The following CAPZA1 variants were observed in gnomAD, a reference collection of about 807,000 sequenced individuals.
The protein encoded by CAPZA1 is F-actin-capping protein subunit alpha-1.
Under a neutral mutation model 40.8 loss-of-function variants are expected in CAPZA1, and 10 were observed. The ratio of observed to expected loss-of-function variants is 0.25; its 90% CI spans 0.15 to 0.42. The LOEUF (loss-of-function observed/expected upper bound fraction) is 0.42. Among genes scored for constraint, CAPZA1 ranks in the 10% least tolerant of loss-of-function variants. The pLI, the probability that CAPZA1 is intolerant of heterozygous loss-of-function variation, is 1.00. For synonymous variants in CAPZA1, 98 were observed against 115.0 expected (o/e 0.85, Z 0.95); for missense variants, 277 against 353.8 (o/e 0.78, Z 1.74).
At chr1:112,649,225 A>G (rs1203515369) in intron 2 of CAPZA1, among the ~76,000 whole-genome samples, 193 bp from the exon 3 acceptor site, 2 of 152,252 alleles carry the variant, frequency 1.3e-5, no homozygotes, top group Non-Finnish European at 2.9e-5. Flanking sequence ...CCTTGAGACT[A>G]TATAGCACAC....
rs1553181448 is a variant in CAPZA1, at chr1:112,670,366, T to TTC, written c.*235_*236insCT. 5.7e-4 allele frequency: 221 copies of TTC among 385,916 alleles called. 1 individual carries two copies. The highest frequency in any genetic ancestry group is 4.1e-3 in the African/African-American group (191 of 46,070). 23.9% of individuals were successfully genotyped at this position (385,916 alleles called of 1,614,324 possible). A position where few individuals can be genotyped will look rare whatever the true frequency, so the allele number is the denominator to read the frequency against. On this transcript the variant is annotated 3_prime_UTR_variant, in exon 10 of 10. Transcript: ENST00000263168. ...TCTACGTGTAAATCTTTTTTTCTTT[T>TTC]TTTTTTTTTTTTTTTGGTTAATTCT...
At chr1:112,640,818 T>G (rs1570710061) in intron 1 of CAPZA1, among the ~76,000 whole-genome samples, 1 of 152,314 alleles carries the variant, frequency 6.6e-6, no homozygotes, top group East Asian at 1.9e-4. Flanking sequence ...AATCGGATGG[T>G]TGCCGTGTCT....
intron 1 of CAPZA1, among the ~76,000 whole-genome samples, chr1:112,623,100 TA>T (rs1288301788): frequency 6.6e-6 from 1 of 152,108 alleles, no homozygotes; most frequent in Admixed American, 6.5e-5. Context: ...TTGGTCAGGC[TA>T]GTCTCAAACT....
chr1:112,633,378 A>G (rs1557727998), intron 1 of CAPZA1, among the ~76,000 whole-genome samples: 1 of 152,180 alleles, frequency 6.6e-6, no homozygotes, highest in Non-Finnish European at 1.5e-5. Flanking sequence ...CACTTAGCAT[A>G]TATCTTTCAG....
At chr1:112,626,013 CT>C (rs1670798226) in intron 1 of CAPZA1, 1 of 152,510 alleles carries the variant, frequency 6.6e-6, no homozygotes, top group African/African-American at 2.4e-5. Context: ...CACAGCATCT[CT>C]GAACAGCATG....
chr1:112,653,036 G>A (rs2101171023), intron 3 of CAPZA1, among the ~76,000 whole-genome samples: 1 of 152,238 alleles, frequency 6.6e-6, no homozygotes. Context: ...TTTAATTATA[G>A]TTTCTCGTGA....
At chr1:112,650,826 C>A (rs1277207516) in intron 3 of CAPZA1, among the ~76,000 whole-genome samples, 1 of 152,186 alleles carries the variant, frequency 6.6e-6, no homozygotes, top group Admixed American at 6.5e-5. Flanking sequence ...AGCTTCTCGG[C>A]CTTTTGGCTA....
intron 1 of CAPZA1, among the ~76,000 whole-genome samples, chr1:112,641,818 GGTGGAGGTTGCAGT>G (rs970512190): frequency 1.3e-5 from 2 of 150,450 alleles, no homozygotes; most frequent in African/African-American, 4.9e-5. Flanking sequence ...GAACCTGGGA[GGTGGAGGTTGCAGT>G]GAGCTGAGAT....
intron 3 of CAPZA1, 41 bp from the exon 4 acceptor site, chr1:112,653,557 C>CTTTT: frequency 4.8e-5 from 39 of 816,792 alleles, no homozygotes; most frequent in East Asian, 1.3e-4. Flanking sequence ...CTCTCTCCCT[C>CTTTT]TTTTTTTTTT....
At chr1:112,656,255 A>T (rs1410699021) in intron 5 of CAPZA1, among the ~76,000 whole-genome samples, 1 of 152,174 alleles carries the variant, frequency 6.6e-6, no homozygotes, top group Non-Finnish European at 1.5e-5. Flanking sequence ...TAGGTAAATT[A>T]CTTAACATCT....
intron 1 of CAPZA1, among the ~76,000 whole-genome samples, chr1:112,623,237 A>G (rs193010675): frequency 6.6e-6 from 1 of 152,280 alleles, no homozygotes; most frequent in Admixed American, 6.5e-5. Flanking sequence ...TCCTTAATTT[A>G]CTAGTTACCA....
At chr1:112,634,064 T>C (rs1456122382) in intron 1 of CAPZA1, among the ~76,000 whole-genome samples, 1 of 152,178 alleles carries the variant, frequency 6.6e-6, no homozygotes, top group African/African-American at 2.4e-5. Flanking sequence ...TTTTCTCCTT[T>C]GCCATACAGA....
chr1:112,647,347 C>A, intron 2 of CAPZA1, 74 bp downstream of exon 2: 1 of 784,050 alleles, frequency 1.3e-6, no homozygotes. Context: ...TGTTTTAATT[C>A]TTACGACTTG....
chr1:112,665,762 C>G (rs1671713243), intron 7 of CAPZA1, among the ~76,000 whole-genome samples: 1 of 152,094 alleles, frequency 6.6e-6, no homozygotes, highest in Non-Finnish European at 1.5e-5. Flanking sequence ...TCCTCATGAC[C>G]TAATCACCTC....
At chr1:112,644,844 T>C (rs943547415) in intron 1 of CAPZA1, among the ~76,000 whole-genome samples, 3 of 152,216 alleles carry the variant, frequency 2.0e-5, no homozygotes, top group African/African-American at 7.2e-5. Flanking sequence ...TATATTGGTA[T>C]TGCCAAATGC....
At chr1:112,626,423 G>A (rs57646766) in intron 1 of CAPZA1, among the ~76,000 whole-genome samples, 12,279 of 150,338 alleles carry the variant, frequency 0.082, 709 homozygotes, top group Admixed American at 0.17. Context: ...GTGAGATCCC[G>A]GTCTCTACCA....
Position 112,647,245 on chromosome 1 carries a change from C to A in CAPZA1, c.75C>A (p.Pro25=). The change falls in exon 2 of 10, where the codon CCC becomes CCA. Residue 25 remains proline, a synonymous_variant. Transcript: ENST00000263168. The part of the protein sequence containing the change: ...RIAAKFITHA[P]PGEFNEVFND... ...CTGCTAAATTCATCACTCATGCACC[C>A]CCAGGGGAATTTAATGAAGTATTCA... is the stretch of plus-strand genomic sequence containing the variant. 6.6e-7 allele frequency: 1 copy of A among 1,521,952 alleles called. No homozygotes were observed. Among genetic ancestry groups the A allele is most frequent in the Admixed American group, 1.8e-5 (1 of 54,320 alleles). 94.3% of individuals were successfully genotyped at this position (1,521,952 alleles called of 1,614,324 possible). A position where few individuals can be genotyped will look rare whatever the true frequency, so the allele number is the denominator to read the frequency against.
At chr1:112,653,568 TTTTTTTA>T (rs1454110293) in intron 3 of CAPZA1, 23 bp from the exon 4 acceptor site, 7 of 1,397,628 alleles carry the variant, frequency 5.0e-6, no homozygotes, top group South Asian at 2.6e-5. Flanking sequence ...TTTTTTTTTT[TTTTTTTA>T]AAAAACTTTT....
At chr1:112,620,047 C>T (rs969636113) in intron 1 of CAPZA1, 164 bp downstream of exon 1, 1 of 584,998 alleles carries the variant, frequency 1.7e-6, no homozygotes, top group East Asian at 3.1e-5. Flanking sequence ...GGGGGCTTTC[C>T]TCTGCCTCAC....
Sources: gnomAD v4.1 joint callset for allele counts (sites outside exome capture counted in the v4.1 genomes callset) on GRCh38, gnomAD v4.1.1 for gene constraint, MANE v1.5 for transcripts, NCBI Gene and HGNC (gene_info 2026-07-23, HGNC 2026-07-21) for gene names.